The following REPS2 variants were observed in gnomAD, a reference collection of about 807,000 sequenced individuals.
REPS2 encodes the protein ralBP1-associated Eps domain-containing protein 2.
A neutral mutation model predicts 53.6 loss-of-function variants in REPS2; 23 were observed. The ratio of observed to expected loss-of-function variants is 0.43; its 90% CI spans 0.31 to 0.61. The LOEUF is 0.61. Ranked by LOEUF, REPS2 falls within the 20% of genes least tolerant of loss-of-function variation. REPS2 has a pLI of 0.11. For synonymous variants in REPS2, 238 were observed against 218.6 expected (o/e 1.09, Z -0.78); for missense variants, 446 against 534.9 (o/e 0.83, Z 1.64).
chrX:17,019,036 G>A (rs1018655808), intron 2 of REPS2, among the ~76,000 whole-genome samples: 1 of 110,342 alleles, frequency 9.1e-6, no homozygotes, highest in Non-Finnish European at 1.9e-5. Flanking sequence ...CAAACTGCTG[G>A]GCTCAAGTGA....
intron 10 of REPS2, 115 bp from the exon 11 acceptor site, chrX:17,069,825 T>G (rs1209769840): frequency 7.7e-6 from 3 of 388,900 alleles, no homozygotes; most frequent in Non-Finnish European, 8.4e-6. Flanking sequence ...TTTTTGTAAG[T>G]GATGACTAGC....
At chrX:17,120,967 T>G (rs749896390) in intron 14 of REPS2, among the ~76,000 whole-genome samples, 3 of 111,933 alleles carry the variant, frequency 2.7e-5, no homozygotes, top group African/African-American at 9.7e-5. Flanking sequence ...CCTTTAACCC[T>G]CCTGCTCTTA....
At chrX:16,976,348 G>T (rs1392018914) in intron 1 of REPS2, among the ~76,000 whole-genome samples, 1 of 110,778 alleles carries the variant, frequency 9.0e-6, no homozygotes, top group African/African-American at 3.3e-5. Context: ...ACCTCTGGGG[G>T]TGGGGTATTT....
chrX:17,161,489 A>G, the REPS2 span, among the ~76,000 whole-genome samples: 1 of 111,476 alleles, frequency 9.0e-6, no homozygotes, highest in African/African-American at 3.3e-5. Context: ...AGCTAGCAAC[A>G]AGTGAGGAGA....
chrX:17,000,303 A>G (rs2061291069), intron 1 of REPS2, among the ~76,000 whole-genome samples: 1 of 111,372 alleles, frequency 9.0e-6, no homozygotes, highest in South Asian at 3.7e-4. Context: ...ATTTTTTATT[A>G]AATTTTTTTT....
intron 14 of REPS2, among the ~76,000 whole-genome samples, chrX:17,123,689 C>T (rs1310026771): frequency 1.8e-5 from 2 of 112,409 alleles, no homozygotes; most frequent in African/African-American, 3.2e-5. Flanking sequence ...TTAAAGCAGC[C>T]GTGAAACATG....
At chrX:17,124,026 A>G (rs1352065174) in intron 14 of REPS2, among the ~76,000 whole-genome samples, 2 of 112,814 alleles carry the variant, frequency 1.8e-5, no homozygotes, top group Non-Finnish European at 3.7e-5. Flanking sequence ...ATTTTGCTTA[A>G]TCTTCACAAT....
intron 5 of REPS2, 126 bp downstream of exon 5, chrX:17,029,749 A>AT: frequency 2.2e-6 from 1 of 455,662 alleles, no homozygotes; most frequent in Non-Finnish European, 3.8e-6. Context: ...TCATGCAAAT[A>AT]TTGCATGTCT....
chrX:17,030,167 G>C (rs1051032429), intron 5 of REPS2, among the ~76,000 whole-genome samples: 1 of 111,961 alleles, frequency 8.9e-6, no homozygotes, highest in Non-Finnish European at 1.9e-5. Context: ...AAAGCTTCTG[G>C]CTATACCACA....
intron 13 of REPS2, among the ~76,000 whole-genome samples, chrX:17,078,611 C>T (rs192429263): frequency 9.0e-6 from 1 of 111,638 alleles, no homozygotes; most frequent in Non-Finnish European, 1.9e-5. Context: ...ACATGGCTGG[C>T]GGATTATGAC....
chrX:17,017,692 G>GTAA (rs1384423571), intron 2 of REPS2, among the ~76,000 whole-genome samples: 1 of 111,729 alleles, frequency 9.0e-6, no homozygotes, highest in Non-Finnish European at 1.9e-5. Context: ...ATTTAACATT[G>GTAA]TAATAATAAT....
intron 1 of REPS2, among the ~76,000 whole-genome samples, chrX:16,974,311 A>T (rs2060928920): frequency 9.0e-6 from 1 of 111,110 alleles, no homozygotes; most frequent in Non-Finnish European, 1.9e-5. Context: ...TGACATCGAC[A>T]TTTTGAACAA....
At chrX:17,116,584 C>T (rs1231636964) in intron 14 of REPS2, among the ~76,000 whole-genome samples, 5 of 111,783 alleles carry the variant, frequency 4.5e-5, no homozygotes, top group Admixed American at 3.8e-4. Flanking sequence ...ATTAAAAATC[C>T]TCTGCATAAC....
At position 16,952,054 on chromosome X, in the gene REPS2, C is replaced by T. The variant is rs754563583; in HGVS notation, c.273+4920C>T. On this transcript the variant is annotated intron_variant, in intron 1 of 17. Coordinates refer to ENST00000357277, the MANE Select transcript of REPS2 (RefSeq NM_004726.3). ...CATACATGACTTATGTAATTATACA[C>T]ATATGCTCCAGATCTCATCTGTATT... 1.8e-5 allele frequency among the ~76,000 whole-genome samples: 2 copies of T among 111,984 alleles called. 1 individual carries two copies. Among genetic ancestry groups the T allele is most frequent in the Non-Finnish European group, 3.8e-5 (2 of 53,256 alleles).
chrX:16,994,826 A>G (rs1481472401), intron 1 of REPS2, among the ~76,000 whole-genome samples: 1 of 111,799 alleles, frequency 8.9e-6, no homozygotes, highest in Non-Finnish European at 1.9e-5. Context: ...AATAAAAACA[A>G]AAACAAATGC....
downstream of REPS2, among the ~76,000 whole-genome samples, chrX:17,153,830 T>C (rs2063590615): frequency 1.8e-5 from 2 of 111,296 alleles, no homozygotes; most frequent in Admixed American, 9.5e-5. Context: ...TCTGGAAGAA[T>C]CATCTATCAT....
At chrX:17,179,739 A>G in the REPS2 span, among the ~76,000 whole-genome samples, 2 of 111,853 alleles carry the variant, frequency 1.8e-5, no homozygotes, top group African/African-American at 6.5e-5. Flanking sequence ...ATTTCAGAAT[A>G]CATTTTATAG....
At chrX:17,007,661 A>G (rs944669808) in intron 2 of REPS2, among the ~76,000 whole-genome samples, 2 of 111,986 alleles carry the variant, frequency 1.8e-5, no homozygotes, top group African/African-American at 6.5e-5. Context: ...TGCTGCCCAC[A>G]CTGCATTGGC....
At chrX:17,117,980 G>T (rs2148104035) in intron 14 of REPS2, among the ~76,000 whole-genome samples, 4 of 53,692 alleles carry the variant, frequency 7.4e-5, no homozygotes, top group African/African-American at 1.6e-4. Flanking sequence ...TTTTTTTTGA[G>T]ACGGAGTCTC....
Sources: gnomAD v4.1 joint callset for allele counts (sites outside exome capture counted in the v4.1 genomes callset) on GRCh38, gnomAD v4.1.1 for gene constraint, MANE v1.5 for transcripts, NCBI Gene and HGNC (gene_info 2026-07-23, HGNC 2026-07-21) for gene names.